Variants in RGPD3 observed in about 807,000 individuals in gnomAD.
The protein encoded by RGPD3 is ranBP2-like and GRIP domain-containing protein 3.
RGPD3 carries 62 observed loss-of-function variants against 154.5 expected under a neutral mutation model. The ratio of observed to expected loss-of-function variants is 0.40; its 90% confidence interval spans 0.33 to 0.50. The LOEUF (loss-of-function observed/expected upper bound fraction) is 0.50, where lower values mean the gene tolerates loss of function less well. Ranked by LOEUF, RGPD3 falls within the 20% of genes least tolerant of loss-of-function variation. RGPD3 has a pLI of 0.59. For synonymous variants in RGPD3, 308 were observed against 607.0 expected, an observed-to-expected ratio of 0.51 and a Z score of 7.24; for missense variants, 919 against 1,716.8, an observed-to-expected ratio of 0.54 and a Z score of 8.21.
At chr2:106,441,229 A>T in intron 8 of RGPD3, 64 bp downstream of exon 8, 1 of 1,574,912 alleles carries the variant, frequency 6.3e-7, no homozygotes, top group Non-Finnish European at 8.6e-7. Context: ...ATTTTATCAT[A>T]AGATATGCCT....
Position 106,468,229 on chromosome 2 carries a change from C to A in RGPD3, c.60G>T (p.Pro20=), listed in dbSNP as rs778699719. ...CAGACCCACTCACCTTTCGAGGCGACGGGGCGGAGCCCTGCACCGAGGCGA... is the reference window on the plus strand; with the variant it reads ...CAGACCCACTCACCTTTCGAGGCGAAGGGGCGGAGCCCTGCACCGAGGCGA... ...RYVASVQGSA[P]SPRKKSTRGF... Residue 20 remains proline (P), a synonymous_variant, in exon 1 of 23, where the codon CCG becomes CCT. Transcript: ENST00000409886. 1 of 1,606,206 alleles carries A rather than the reference C, an allele frequency of 6.2e-7. No homozygotes were observed. Among genetic ancestry groups the A allele is most frequent in the Non-Finnish European group, 8.5e-7 (1 of 1,177,516 alleles).
At chr2:106,412,299 T>G (rs1180459636) in intron 22 of RGPD3, among the ~76,000 whole-genome samples, 2 of 40,566 alleles carry the variant, frequency 4.9e-5, no homozygotes, top group Non-Finnish European at 5.6e-5. Context: ...CATAGTTTTT[T>G]TTTTTTTTTT....
At chr2:106,454,786 G>T (rs1678197554) in intron 4 of RGPD3, among the ~76,000 whole-genome samples, 1 of 151,942 alleles carries the variant, frequency 6.6e-6, no homozygotes, top group African/African-American at 2.4e-5. Flanking sequence ...TATGTTTGAG[G>T]CATAACACCT....
At chr2:106,409,133 G>T (rs1347696965) in intron 22 of RGPD3, among the ~76,000 whole-genome samples, 1 of 152,174 alleles carries the variant, frequency 6.6e-6, no homozygotes, top group Admixed American at 6.5e-5. Context: ...CCAAGGACAT[G>T]AGAGAGGTAA....
At chr2:106,438,179 C>T (rs561184444) in intron 9 of RGPD3, among the ~76,000 whole-genome samples, 69 of 152,084 alleles carry the variant, frequency 4.5e-4, no homozygotes, top group Non-Finnish European at 7.9e-4. Flanking sequence ...CTGCCCGCCT[C>T]GGCCTCCCAA....
At position 106,404,352 on chromosome 2, in the gene RGPD3, G is replaced by A. The variant is rs1379295806; in HGVS notation, c.*867C>T. 2.0e-5 allele frequency among the ~76,000 whole-genome samples: 3 copies of A among 149,360 alleles called. No individual in the cohort carries two copies. Among genetic ancestry groups the A allele is most frequent in the African/African-American group, 7.5e-5 (3 of 40,036 alleles). ...GTGGGCCCACCTATTCATAGTCAGT[G>A]TTACACTAGCCAGCTCTAGGGCTCT... On this transcript the variant is annotated 3_prime_UTR_variant, in exon 23 of 23. Coordinates refer to ENST00000409886, the MANE Select transcript of RGPD3 (RefSeq NM_001144013.2).
At position 106,461,387 on chromosome 2, in the gene RGPD3, A is replaced by G. The variant is rs187298250; in HGVS notation, c.73-2055T>C. ...TCCAACAATTGATCTGATAACTGAG[A>G]TGGCTAGTATGTAACTAGCAGGTGG... On this transcript the variant is annotated intron_variant, in intron 1 of 22. Coordinates refer to ENST00000409886, the MANE Select transcript of RGPD3 (RefSeq NM_001144013.2). Among the ~76,000 whole-genome samples, 684 of 152,230 alleles carry G rather than the reference A, an allele frequency of 4.5e-3. 4 individuals are homozygous for G. Among genetic ancestry groups the G allele is most frequent in the Admixed American group, 7.2e-3 (110 of 15,286 alleles).
chr2:106,467,702 C>A (rs1678671989), intron 1 of RGPD3, among the ~76,000 whole-genome samples: 1 of 143,852 alleles, frequency 7.0e-6, no homozygotes, highest in Non-Finnish European at 1.5e-5. Context: ...GAGGCAGCCG[C>A]CGGGCCAGGT....
intron 9 of RGPD3, among the ~76,000 whole-genome samples, chr2:106,437,403 A>G (rs6543412): frequency 0.85 from 123,074 of 144,434 alleles, 53,029 homozygotes; most frequent in East Asian, 1. Flanking sequence ...TCCCAGCTAC[A>G]TGGGAGGCTG....
At chr2:106,448,943 G>A (rs1366583140) in intron 6 of RGPD3, among the ~76,000 whole-genome samples, 3 of 150,976 alleles carry the variant, frequency 2.0e-5, no homozygotes, top group African/African-American at 7.3e-5. Context: ...CACCCGCCTT[G>A]GCCTCCCAAA....
Position 106,403,408 on chromosome 2 carries a change from CAGTT to C in RGPD3, c.*1807_*1810del, listed in dbSNP as rs1396915456. Among the ~76,000 whole-genome samples the C allele has an allele frequency of 6.6e-6, 1 of 151,878 alleles. No individual in the cohort carries two copies. The highest frequency in any genetic ancestry group is 1.5e-5 in the Non-Finnish European group (1 of 67,938). On this transcript the variant is annotated 3_prime_UTR_variant, in exon 23 of 23. Coordinates refer to ENST00000409886, the MANE Select transcript of RGPD3 (RefSeq NM_001144013.2). Reference sequence around the variant, plus strand: ...ATAAAAGAGCTGCCATAAAAATATACAGTTAAACATATTTAATAGAAATATTAAA... The same window carrying C: ...ATAAAAGAGCTGCCATAAAAATATACAAACATATTTAATAGAAATATTAAA...
rs548662878 is a variant in RGPD3, at chr2:106,403,672, T to TA, written c.*1546dup. Among the ~76,000 whole-genome samples the TA allele has an allele frequency of 1.3e-5, 2 of 152,280 alleles. No individual in the cohort carries two copies. The highest frequency in any genetic ancestry group is 2.4e-5 in the African/African-American group (1 of 41,482). ...ATACTCATATTCACAGTTTATAAAGTAAAAAAACTAAACTCTTCATGTCGG... is the reference window on the plus strand; with the variant it reads ...ATACTCATATTCACAGTTTATAAAGTAAAAAAAACTAAACTCTTCATGTCGG... On this transcript the variant is annotated 3_prime_UTR_variant, in exon 23 of 23. Coordinates refer to ENST00000409886, the MANE Select transcript of RGPD3 (RefSeq NM_001144013.2).
chr2:106,409,870 AC>A lies in RGPD3; in HGVS notation c.5266+3213del, dbSNP rs60551623. Among the ~76,000 whole-genome samples the A allele has an allele frequency of 9.0e-3, 799 of 89,226 alleles. 13 individuals carry two copies. The highest frequency in any genetic ancestry group is 0.034 in the African/African-American group (731 of 21,712). The allele number at this position is 89,226 out of a possible 152,430, so 58.5% of individuals were successfully genotyped here. A position where few individuals can be genotyped will look rare whatever the true frequency, so the allele number is the denominator to read the frequency against. ...TTTCTTTTGAACTATCTTGTAGTTTACTTTTTTTTTTTTTTTTTTTTGAGAT... is the reference window on the plus strand; with the variant it reads ...TTTCTTTTGAACTATCTTGTAGTTTATTTTTTTTTTTTTTTTTTTTGAGAT... On this transcript the variant is annotated intron_variant, in intron 22 of 22. Coordinates refer to ENST00000409886, the MANE Select transcript of RGPD3 (RefSeq NM_001144013.2).
intron 2 of RGPD3, among the ~76,000 whole-genome samples, chr2:106,458,451 G>GT (rs1419354878): frequency 1.1e-5 from 1 of 93,228 alleles, no homozygotes; most frequent in Non-Finnish European, 2.2e-5. Flanking sequence ...GCTGGGAGCA[G>GT]TAACACACAC....
chr2:106,467,699 C>G (rs1237038865), intron 1 of RGPD3, among the ~76,000 whole-genome samples: 2 of 143,220 alleles, frequency 1.4e-5, no homozygotes, highest in Non-Finnish European at 3.0e-5. Context: ...ATCGAGGCAG[C>G]CGCCGGGCCA....
intron 22 of RGPD3, among the ~76,000 whole-genome samples, chr2:106,410,036 C>T (rs937629813): frequency 1.3e-5 from 2 of 151,698 alleles, no homozygotes; most frequent in African/African-American, 2.4e-5. Context: ...CCACCACGCC[C>T]AGCTAATTTT....
At chr2:106,440,245 C>G (rs1677697303) in intron 8 of RGPD3, among the ~76,000 whole-genome samples, 1 of 102,400 alleles carries the variant, frequency 9.8e-6, no homozygotes, top group Non-Finnish European at 2.0e-5. Context: ...AGCCACTGAA[C>G]TGTACACTTT....
At chr2:106,470,834 C>T (rs1323052770), upstream of RGPD3, 2 of 1,604,338 alleles carry the variant, frequency 1.2e-6, no homozygotes, top group East Asian at 4.5e-5. Flanking sequence ...TACTAAGAGG[C>T]TTTGGAGCAC....
At chr2:106,463,405 G>A (rs1678464121) in intron 1 of RGPD3, among the ~76,000 whole-genome samples, 1 of 152,168 alleles carries the variant, frequency 6.6e-6, no homozygotes, top group South Asian at 2.1e-4. Context: ...AACCCGGGAG[G>A]CGGAGGTTGT....
Sources: gnomAD v4.1 joint callset for allele counts (sites outside exome capture counted in the v4.1 genomes callset) on GRCh38, gnomAD v4.1.1 for gene constraint, MANE v1.5 for transcripts, NCBI Gene and HGNC (gene_info 2026-07-23, HGNC 2026-07-21) for gene names.